The following RASGEF1B variants were observed in gnomAD, a reference collection of about 807,000 sequenced individuals.
RASGEF1B encodes ras-GEF domain-containing family member 1B.
Under a neutral mutation model 65.7 loss-of-function variants are expected in RASGEF1B, and 30 were observed. The ratio of observed to expected loss-of-function variants is 0.46; its 90% CI spans 0.34 to 0.62. The LOEUF is 0.62. Among genes scored for constraint, RASGEF1B ranks in the 20% least tolerant of loss-of-function variants. The pLI is 0.01. For synonymous variants in RASGEF1B, 175 were observed against 194.8 expected (o/e 0.90, Z 0.85); for missense variants, 495 against 580.1 (o/e 0.85, Z 1.51).
intron 1 of RASGEF1B, among the ~76,000 whole-genome samples, chr4:81,466,817 A>AG (rs150881204): frequency 1.1e-4 from 17 of 149,722 alleles, no homozygotes; most frequent in African/African-American, 4.3e-4. Context: ...AAAGAAAGAA[A>AG]GAAAGAAAAT....
intron 8 of RASGEF1B, among the ~76,000 whole-genome samples, chr4:81,442,882 C>G (rs1458336492): frequency 6.6e-6 from 1 of 152,192 alleles, no homozygotes; most frequent in Non-Finnish European, 1.5e-5. Flanking sequence ...CATAAAGAAA[C>G]CAGTGACGGA....
chr4:81,449,142 G>T (rs1425125753), intron 4 of RASGEF1B, among the ~76,000 whole-genome samples: 1 of 152,142 alleles, frequency 6.6e-6, no homozygotes, highest in African/African-American at 2.4e-5. Context: ...CATAAAATGT[G>T]CATTACCATG....
rs1722464720 is a variant in RASGEF1B at position 81,456,913 on chromosome 4, C to T, written c.301-125G>A. ...AGTCTTTAGGGATGAAGAAGAAGCT[C>T]CAGCCCCCCTCCCTCCATGTCAATG... On this transcript the variant is annotated intron_variant, in intron 3 of 13. Coordinates refer to ENST00000264400, the MANE Select transcript of RASGEF1B (RefSeq NM_152545.3). The T allele has an allele frequency of 1.1e-5, 9 of 809,148 alleles. No homozygotes were observed. In the East Asian group the frequency reaches 2.3e-4, roughly 21 times the overall value. The allele number at this position is 809,148 out of a possible 1,614,324, so 50.1% of individuals were successfully genotyped here. A position where few individuals can be genotyped will look rare whatever the true frequency, so the allele number is the denominator to read the frequency against.
intron 4 of RASGEF1B, chr4:81,452,550 T>C (rs1178115434): frequency 6.6e-6 from 1 of 152,178 alleles, no homozygotes; most frequent in Non-Finnish European, 1.5e-5. Flanking sequence ...CAACAACTAG[T>C]GTGTGAGCAT....
chr4:81,466,477 T>C (rs1017712195), intron 1 of RASGEF1B, among the ~76,000 whole-genome samples: 1 of 151,978 alleles, frequency 6.6e-6, no homozygotes, highest in African/African-American at 2.4e-5. Flanking sequence ...AACGTCAAGA[T>C]TGCCAGGCGC....
Position 81,426,981 on chromosome 4 carries a change from C to CAAAAA in RASGEF1B, c.*782_*786dup, listed in dbSNP as rs546907988. 2.9e-5 allele frequency: 1 copy of CAAAAA among 34,248 alleles called. No homozygotes were observed. Among genetic ancestry groups the CAAAAA allele is most frequent in the African/African-American group, 8.7e-5 (1 of 11,530 alleles). 2.1% of individuals were successfully genotyped at this position (34,248 alleles called of 1,614,324 possible). On this transcript the variant is annotated 3_prime_UTR_variant, in exon 14 of 14. Transcript: ENST00000264400. Reference sequence around the variant, plus strand: ...GTCAGTTGTAAACAGCTCAGAAGAGCAAAAAAAAAAAAAAAAAAAAAAAAA... The same window carrying CAAAAA: ...GTCAGTTGTAAACAGCTCAGAAGAGCAAAAAAAAAAAAAAAAAAAAAAAAAAAAAA...
At chr4:81,458,323 C>G (rs1722523143) in intron 2 of RASGEF1B, among the ~76,000 whole-genome samples, 1 of 152,038 alleles carries the variant, frequency 6.6e-6, no homozygotes, top group South Asian at 2.1e-4. Context: ...TGGGATTTTT[C>G]TTTTTTCCTT....
At chr4:81,444,576 C>T (rs1471204437) in intron 8 of RASGEF1B, among the ~76,000 whole-genome samples, 1 of 152,092 alleles carries the variant, frequency 6.6e-6, no homozygotes, top group Admixed American at 6.5e-5. Flanking sequence ...CTCCCTCTGT[C>T]GCCAGGCTAG....
intron 1 of RASGEF1B, chr4:81,471,194 G>A (rs1723008688): frequency 6.6e-6 from 1 of 152,056 alleles, no homozygotes; most frequent in Admixed American, 6.6e-5. Context: ...CCCTTCCTAC[G>A]AGTCAGACTT....
chr4:81,464,120 T>G (rs987144606), intron 1 of RASGEF1B, among the ~76,000 whole-genome samples: 17 of 152,312 alleles, frequency 1.1e-4, no homozygotes, highest in African/African-American at 4.1e-4. Context: ...CAACTAATAT[T>G]TTCTGTCTCT....
intron 4 of RASGEF1B, chr4:81,451,052 A>G (rs1457634921): frequency 1.3e-5 from 2 of 152,208 alleles, no homozygotes; most frequent in Non-Finnish European, 2.9e-5. Flanking sequence ...ATTACAGCAT[A>G]TACTATCCAG....
intron 10 of RASGEF1B, among the ~76,000 whole-genome samples, chr4:81,437,049 C>T (rs1264072699): frequency 6.6e-6 from 1 of 152,108 alleles, no homozygotes; most frequent in Non-Finnish European, 1.5e-5. Context: ...AGTAAAAGTA[C>T]AACTGAACCT....
In RASGEF1B at chr4:81,448,262, T is replaced by C; in HGVS notation, c.461A>G (p.Gln154Arg). The change falls in exon 5 of 14, where the codon CAG becomes CGG. Residue 154 changes from glutamine (Q) to arginine (R), a missense_variant. By Grantham distance (43) the Gln-to-Arg change is conservative. Coordinates refer to ENST00000264400, the MANE Select transcript of RASGEF1B (RefSeq NM_152545.3). ...GCGGATCAGACACTGCATCATTTGC[T>C]GGACATTCTTTCTGTATGTCTGCTA... ...GEEQTYRKNV[Q>R]QMMQCLIRKL... The C allele has an allele frequency of 6.2e-7, 1 of 1,612,820 alleles. No homozygotes were observed. The highest frequency in any genetic ancestry group is 8.5e-7 in the Non-Finnish European group (1 of 1,180,000).
chr4:81,456,528 A>T, intron 4 of RASGEF1B, 123 bp downstream of exon 4: 2 of 962,196 alleles, frequency 2.1e-6, no homozygotes, highest in Non-Finnish European at 3.4e-6. Context: ...TGTGATGTGG[A>T]GGGCTTGCCC....
chr4:81,429,550 C>T (rs1363988301), intron 13 of RASGEF1B, among the ~76,000 whole-genome samples: 2 of 152,146 alleles, frequency 1.3e-5, no homozygotes, highest in Non-Finnish European at 2.9e-5. Flanking sequence ...CCAAATGTTG[C>T]ATTTCCCAAG....
chr4:81,469,835 G>A (rs189187094), intron 1 of RASGEF1B, among the ~76,000 whole-genome samples: 2 of 152,226 alleles, frequency 1.3e-5, no homozygotes, highest in Admixed American at 1.3e-4. Flanking sequence ...AATGAAGCAA[G>A]ACTGAAAATG....
intron 10 of RASGEF1B, among the ~76,000 whole-genome samples, chr4:81,437,914 C>A (rs184185528): frequency 6.6e-6 from 1 of 152,166 alleles, no homozygotes; most frequent in African/African-American, 2.4e-5. Context: ...TGAATGTACA[C>A]ATTATTAGTA....
intron 6 of RASGEF1B, among the ~76,000 whole-genome samples, chr4:81,447,197 T>C (rs1722057165): frequency 6.6e-6 from 1 of 152,176 alleles, no homozygotes; most frequent in Admixed American, 6.5e-5. Flanking sequence ...GCTAAAACCA[T>C]TATGCTTTCG....
In RASGEF1B at chr4:81,456,628, C is replaced by T. The variant is rs377628641; in HGVS notation, c.438+23G>A. The T allele has an allele frequency of 1.6e-5, 26 of 1,613,270 alleles. No individual in the cohort carries two copies. The East Asian group carries it at 3.1e-4, about 19-fold the overall frequency. On this transcript the variant is annotated intron_variant, in intron 4 of 13. Coordinates refer to ENST00000264400, the MANE Select transcript of RASGEF1B (RefSeq NM_152545.3). ...GGCTCTGCCTGGGAATTCCAGCAGC[C>T]GCGCTAAATTCAGGTTACCAACCTC...
Sources: gnomAD v4.1 joint callset for allele counts (sites outside exome capture counted in the v4.1 genomes callset) on GRCh38, gnomAD v4.1.1 for gene constraint, MANE v1.5 for transcripts, NCBI Gene and HGNC (gene_info 2026-07-23, HGNC 2026-07-21) for gene names.